KIAA0232: variants seen among roughly 807,000 people sequenced by gnomAD.
The protein encoded by KIAA0232 is uncharacterized protein KIAA0232.
KIAA0232 carries 27 observed loss-of-function variants against 122.0 expected under a neutral mutation model. The ratio of observed to expected loss-of-function variants is 0.22; its 90% CI spans 0.16 to 0.31. The LOEUF is 0.31. Among genes scored for constraint, KIAA0232 ranks in the 10% least tolerant of loss-of-function variants. The pLI is 1.00. For synonymous variants in KIAA0232, 613 were observed against 587.6 expected (o/e 1.04, Z -0.63); for missense variants, 1,551 against 1,634.2 (o/e 0.95, Z 0.88).
rs572395256 is a variant in KIAA0232, at chr4:6,882,474, C to G, written c.*1508C>G. Reference sequence around the variant, plus strand: ...TTGTTGCCTTTTTCTTAATTGATAACACAGAAAAGAAAGTACCATCAAAGA... The same window carrying G: ...TTGTTGCCTTTTTCTTAATTGATAAGACAGAAAAGAAAGTACCATCAAAGA... On this transcript the variant is annotated 3_prime_UTR_variant, in exon 10 of 10. Coordinates refer to ENST00000307659, the MANE Select transcript of KIAA0232 (RefSeq NM_014743.3). 1 of 152,122 alleles carries G rather than the reference C, an allele frequency of 6.6e-6. No individual in the cohort carries two copies. Among genetic ancestry groups the G allele is most frequent in the South Asian group, 2.1e-4 (1 of 4,812 alleles). 9.4% of individuals were successfully genotyped at this position (152,122 alleles called of 1,614,324 possible).
chr4:6,857,258 A>G, intron 5 of KIAA0232, 28 bp downstream of exon 5: 1 of 1,585,948 alleles, frequency 6.3e-7, no homozygotes, highest in East Asian at 2.3e-5. Flanking sequence ...GTGCGCACAC[A>G]TGCCAGGATT....
intron 2 of KIAA0232, among the ~76,000 whole-genome samples, chr4:6,810,244 A>G (rs1416727960): frequency 6.6e-6 from 1 of 152,232 alleles, no homozygotes; most frequent in Non-Finnish European, 1.5e-5. Flanking sequence ...AGACAATGGC[A>G]CAGAATAGAG....
chr4:6,837,064 C>T (rs955068082), intron 3 of KIAA0232, among the ~76,000 whole-genome samples: 2 of 152,210 alleles, frequency 1.3e-5, no homozygotes, highest in African/African-American at 4.8e-5. Context: ...GTTGGGTACA[C>T]CTCCCAGACG....
At chr4:6,849,512 A>C (rs1720155549) in intron 4 of KIAA0232, among the ~76,000 whole-genome samples, 1 of 152,228 alleles carries the variant, frequency 6.6e-6, no homozygotes, top group East Asian at 1.9e-4. Flanking sequence ...GCTACCTGGG[A>C]GGCTGAGACA....
In KIAA0232 at chr4:6,884,153, AT is replaced by A. The variant is rs1050234702; in HGVS notation, c.*3188del. 5 of 152,240 alleles carry A rather than the reference AT, an allele frequency of 3.3e-5. No individual in the cohort carries two copies. Among genetic ancestry groups the A allele is most frequent in the African/African-American group, 1.2e-4 (5 of 41,456 alleles). The allele number at this position is 152,240 out of a possible 1,614,324, so 9.4% of individuals were successfully genotyped here. ...ATGGAATTAAAAGAAAAATAAAAAAATATAAACTTTATTTCTCAACATAAGT... is the reference window on the plus strand; with the variant it reads ...ATGGAATTAAAAGAAAAATAAAAAAAATAAACTTTATTTCTCAACATAAGT... On this transcript the variant is annotated 3_prime_UTR_variant, in exon 10 of 10. Transcript: ENST00000307659.
At chr4:6,869,316 T>G (rs1721347207) in intron 7 of KIAA0232, among the ~76,000 whole-genome samples, 1 of 152,252 alleles carries the variant, frequency 6.6e-6, no homozygotes, top group East Asian at 1.9e-4. Flanking sequence ...TAAGAACCTG[T>G]TAACCTCTAA....
intron 9 of KIAA0232, among the ~76,000 whole-genome samples, chr4:6,877,825 A>G (rs1721836352): frequency 6.6e-6 from 1 of 152,102 alleles, no homozygotes; most frequent in Non-Finnish European, 1.5e-5. Flanking sequence ...CCACAGACAC[A>G]CCCAGGATCA....
At chr4:6,837,951 G>A (rs1719421733) in intron 3 of KIAA0232, among the ~76,000 whole-genome samples, 2 of 152,024 alleles carry the variant, frequency 1.3e-5, no homozygotes, top group African/African-American at 2.4e-5. Context: ...GAGAGGCAGA[G>A]GCGGTTGTTT....
intron 3 of KIAA0232, among the ~76,000 whole-genome samples, chr4:6,830,653 C>T (rs1021814612): frequency 6.6e-6 from 1 of 152,066 alleles, no homozygotes; most frequent in Non-Finnish European, 1.5e-5. Flanking sequence ...GTGATCCACC[C>T]ACCTTGGCCT....
At chr4:6,819,565 C>A (rs889284255) in intron 2 of KIAA0232, among the ~76,000 whole-genome samples, 1 of 152,156 alleles carries the variant, frequency 6.6e-6, no homozygotes, top group African/African-American at 2.4e-5. Context: ...TAACATCTCA[C>A]AACAGTCAGA....
At chr4:6,876,797 C>G (rs1721780281) in intron 9 of KIAA0232, 40 bp downstream of exon 9, 1 of 1,348,520 alleles carries the variant, frequency 7.4e-7, no homozygotes, top group Admixed American at 1.7e-5. Flanking sequence ...AACTTACAAA[C>G]AGCCACCACC....
intron 1 of KIAA0232, among the ~76,000 whole-genome samples, chr4:6,792,826 A>T (rs2108882181): frequency 6.6e-6 from 1 of 151,568 alleles, no homozygotes; most frequent in African/African-American, 2.4e-5. Context: ...AGTAGCTGGG[A>T]CCACAGGTGC....
At chr4:6,848,371 A>G (rs1720087580) in intron 4 of KIAA0232, among the ~76,000 whole-genome samples, 1 of 152,216 alleles carries the variant, frequency 6.6e-6, no homozygotes, top group Non-Finnish European at 1.5e-5. Context: ...CATGAGTTCT[A>G]CATCTGTGGA....
Position 6,855,925 on chromosome 4 carries a change from G to C in KIAA0232, c.370-1239G>C, listed in dbSNP as rs1479165390. The C allele has an allele frequency of 1.1e-6, 1 of 899,956 alleles. No individual in the cohort carries two copies. Among genetic ancestry groups the C allele is most frequent in the South Asian group, 5.1e-5 (1 of 19,586 alleles). 55.7% of individuals were successfully genotyped at this position (899,956 alleles called of 1,614,324 possible). On this transcript the variant is annotated intron_variant, in intron 4 of 9. Transcript: ENST00000307659. This position sits in a 1 kb window ranked among gnomAD's most constrained non-coding sequence, Gnocchi z 4.3. Reference sequence around the variant, plus strand: ...TAAGCAGGTGCTTTCTGGTGCAACTGTTTGTGGTTGAACAGTGTTTATGAC... The same window carrying C: ...TAAGCAGGTGCTTTCTGGTGCAACTCTTTGTGGTTGAACAGTGTTTATGAC...
In KIAA0232 at chr4:6,863,045, G is replaced by A. The variant is rs1169271103; in HGVS notation, c.2663G>A (p.Gly888Glu). ...AGGTCAGAGTACCATCTGTGGGAGG[G>A]ACAGAAAGAGAGCCTGGAGAAAAGA... ...VRRSEYHLWE[G>E]QKESLEKRAF... is the part of the protein sequence containing the mutation. Residue 888 changes from glycine to glutamate, a missense_variant, in exon 7 of 10, where the codon GGA becomes GAA. Physicochemically the swap from Gly to Glu is moderately conservative, Grantham distance 98 (BLOSUM62 -2). This residue lies in a region of KIAA0232 where 1,108 missense variants were observed against 1,154.8 expected (regional missense o/e 0.96). Coordinates refer to ENST00000307659, the MANE Select transcript of KIAA0232 (RefSeq NM_014743.3). 5.0e-6 allele frequency: 8 copies of A among 1,614,080 alleles called. No homozygotes were observed. The highest frequency in any genetic ancestry group is 6.8e-6 in the Non-Finnish European group (8 of 1,180,038).
intron 3 of KIAA0232, among the ~76,000 whole-genome samples, chr4:6,831,171 C>A (rs1281623591): frequency 6.6e-6 from 1 of 151,958 alleles, no homozygotes; most frequent in Non-Finnish European, 1.5e-5. Context: ...TTCTCCTGCC[C>A]CAGCCTCCCA....
chr4:6,818,773 A>T (rs549730640), intron 2 of KIAA0232, among the ~76,000 whole-genome samples: 1 of 152,240 alleles, frequency 6.6e-6, no homozygotes, highest in Non-Finnish European at 1.5e-5. Context: ...AGCCGAAGCA[A>T]TCCAAAGCAA....
rs1722125239 is a variant in KIAA0232, at chr4:6,882,486, A to G, written c.*1520A>G. 1 of 152,090 alleles carries G rather than the reference A, an allele frequency of 6.6e-6. No individual in the cohort carries two copies. Among genetic ancestry groups the G allele is most frequent in the Non-Finnish European group, 1.5e-5 (1 of 67,998 alleles). 9.4% of individuals were successfully genotyped at this position (152,090 alleles called of 1,614,324 possible). A position where few individuals can be genotyped will look rare whatever the true frequency, so the allele number is the denominator to read the frequency against. On this transcript the variant is annotated 3_prime_UTR_variant, in exon 10 of 10. Transcript: ENST00000307659. ...TCTTAATTGATAACACAGAAAAGAA[A>G]GTACCATCAAAGACTGTGGAGTCAT... is the stretch of plus-strand genomic sequence containing the variant.
intron 3 of KIAA0232, among the ~76,000 whole-genome samples, chr4:6,837,391 G>A (rs1220177136): frequency 6.6e-6 from 1 of 151,828 alleles, no homozygotes; most frequent in African/African-American, 2.4e-5. Flanking sequence ...CTTCCTAGAC[G>A]GGATGACGGC....
Sources: allele counts gnomAD v4.1 joint callset (sites outside exome capture counted in the v4.1 genomes callset), GRCh38; gene constraint gnomAD v4.1.1; regional missense constraint gnomAD v4.1.1; non-coding constraint Gnocchi (gnomAD v3.1); transcripts MANE v1.5; gene names NCBI Gene and HGNC (gene_info 2026-07-23, HGNC 2026-07-21).